ZFAND3: variants seen among roughly 807,000 people sequenced by gnomAD.
ZFAND3 encodes the protein AN1-type zinc finger protein 3.
A neutral mutation model predicts 29.6 loss-of-function variants in ZFAND3; 10 were observed. The ratio of observed to expected loss-of-function variants is 0.34; its 90% CI spans 0.21 to 0.57. ZFAND3 has a LOEUF of 0.57. Among genes scored for constraint, ZFAND3 ranks in the 20% least tolerant of loss-of-function variants. The pLI is 0.86. For missense variants in ZFAND3, 230 were observed against 304.5 expected (o/e 0.76, Z 1.82); for synonymous variants, 128 against 112.6 (o/e 1.14, Z -0.87).
At chr6:37,900,829 G>T (rs2127400690) in intron 1 of ZFAND3, among the ~76,000 whole-genome samples, 1 of 152,198 alleles carries the variant, frequency 6.6e-6, no homozygotes, top group South Asian at 2.1e-4. Context: ...AGGCTAATTG[G>T]TGATCAATAC....
Position 38,041,631 on chromosome 6 carries a change from T to TTTCTTC in ZFAND3, c.113-19912_113-19907dup, listed in dbSNP as rs1193585476. On this transcript the variant is annotated intron_variant, in intron 2 of 5. Coordinates refer to ENST00000287218, the MANE Select transcript of ZFAND3 (RefSeq NM_021943.3). ...GTCACCACTGTTTTTTTATCTACTT[T>TTTCTTC]TTCTTCTTCTTCTTCTTCTTCTTCT... Among the ~76,000 whole-genome samples the TTTCTTC allele has an allele frequency of 2.4e-3, 135 of 56,240 alleles. 6 individuals are homozygous for TTTCTTC. Among genetic ancestry groups the TTTCTTC allele is most frequent in the Non-Finnish European group, 4.2e-3 (91 of 21,590 alleles). The allele number at this position is 56,240 out of a possible 152,430, so 36.9% of individuals were successfully genotyped here.
chr6:37,966,296 C>T (rs1488014080), intron 2 of ZFAND3, among the ~76,000 whole-genome samples: 1 of 152,148 alleles, frequency 6.6e-6, no homozygotes, highest in Non-Finnish European at 1.5e-5. Flanking sequence ...GTATTCTCTT[C>T]CAAGTATTTT....
chr6:37,826,361 G>T (rs1021668423), intron 1 of ZFAND3, among the ~76,000 whole-genome samples: 2 of 152,120 alleles, frequency 1.3e-5, no homozygotes, highest in Admixed American at 1.3e-4. Context: ...CTCTGGGCTG[G>T]GTCCCTGTGT....
chr6:38,120,689 G>C (rs1765516938), intron 5 of ZFAND3, among the ~76,000 whole-genome samples: 1 of 152,140 alleles, frequency 6.6e-6, no homozygotes, highest in South Asian at 2.1e-4. Flanking sequence ...TTAAATACCA[G>C]TTGAAGAGTG....
At chr6:38,123,043 G>C (rs4312981) in intron 5 of ZFAND3, among the ~76,000 whole-genome samples, 1 of 152,204 alleles carries the variant, frequency 6.6e-6, no homozygotes, top group African/African-American at 2.4e-5. Context: ...CGTTTATAGT[G>C]AGAAGCCATC....
chr6:37,853,193 G>T lies in ZFAND3; in HGVS notation c.71+33177G>T, dbSNP rs547629140. On this transcript the variant is annotated intron_variant, in intron 1 of 5. Transcript: ENST00000287218. The stretch of plus-strand genomic sequence containing the variant: ...TGAGTTGATTCATTCATCTGATTCT[G>T]TATTTAATATCTAAATGGGATCAGT... Among the ~76,000 whole-genome samples, 268 of 152,154 alleles carry T rather than the reference G, an allele frequency of 1.8e-3. 2 individuals carry two copies. The highest frequency in any genetic ancestry group is 6.0e-3 in the African/African-American group (249 of 41,514).
At chr6:38,137,128 C>G (rs1454473071) in intron 5 of ZFAND3, among the ~76,000 whole-genome samples, 1 of 152,188 alleles carries the variant, frequency 6.6e-6, no homozygotes, top group East Asian at 1.9e-4. Context: ...AGCTTCAGTT[C>G]CAGGAGAGTA....
At chr6:38,072,925 A>G (rs1405817985) in intron 3 of ZFAND3, among the ~76,000 whole-genome samples, 2 of 152,362 alleles carry the variant, frequency 1.3e-5, no homozygotes, top group East Asian at 3.9e-4. Flanking sequence ...ATATCAGTAT[A>G]ATCCCTTCAC....
intron 1 of ZFAND3, among the ~76,000 whole-genome samples, chr6:37,855,399 G>T (rs972872652): frequency 6.7e-6 from 1 of 150,352 alleles, no homozygotes. Context: ...TGATCCACTT[G>T]CCTTGGCCTC....
At chr6:37,969,147 A>G (rs1271407533) in intron 2 of ZFAND3, among the ~76,000 whole-genome samples, 1 of 152,228 alleles carries the variant, frequency 6.6e-6, no homozygotes, top group Non-Finnish European at 1.5e-5. Context: ...TAAACATAGA[A>G]AAGGTATAGT....
At chr6:37,969,512 C>T (rs1054986550) in intron 2 of ZFAND3, among the ~76,000 whole-genome samples, 3 of 152,326 alleles carry the variant, frequency 2.0e-5, no homozygotes, top group Admixed American at 2.0e-4. Context: ...CTGAATATCT[C>T]ATATTTTATT....
intron 1 of ZFAND3, among the ~76,000 whole-genome samples, chr6:37,924,205 A>G (rs1761438594): frequency 6.6e-6 from 1 of 152,142 alleles, no homozygotes; most frequent in South Asian, 2.1e-4. Flanking sequence ...GCATTGTGAC[A>G]GAGCTCCAGA....
intron 5 of ZFAND3, among the ~76,000 whole-genome samples, chr6:38,117,905 C>T (rs1765452819): frequency 6.6e-6 from 1 of 152,200 alleles, no homozygotes; most frequent in Non-Finnish European, 1.5e-5. Flanking sequence ...ATAGAAACTA[C>T]GTTGGAACTC....
At chr6:38,107,003 A>AT (rs1429549362) in intron 4 of ZFAND3, among the ~76,000 whole-genome samples, 2 of 152,066 alleles carry the variant, frequency 1.3e-5, no homozygotes, top group Non-Finnish European at 2.9e-5. Flanking sequence ...AGTCTGGTGA[A>AT]TTTTTTCCTT....
intron 2 of ZFAND3, among the ~76,000 whole-genome samples, chr6:37,992,174 C>T (rs895937315): frequency 2.6e-5 from 4 of 152,124 alleles, no homozygotes; most frequent in African/African-American, 9.7e-5. Flanking sequence ...TTGAAGGGCT[C>T]TCTTTTGAAT....
At chr6:37,962,312 A>C (rs969065085) in intron 2 of ZFAND3, among the ~76,000 whole-genome samples, 3 of 152,220 alleles carry the variant, frequency 2.0e-5, no homozygotes, top group Non-Finnish European at 2.9e-5. Context: ...AGTCAGGCAA[A>C]AGAAAAAGTA....
chr6:38,051,405 T>G (rs1301635697), intron 2 of ZFAND3, among the ~76,000 whole-genome samples: 2 of 152,212 alleles, frequency 1.3e-5, no homozygotes, highest in Non-Finnish European at 2.9e-5. Context: ...CATTGAAGTC[T>G]TTATGGGACA....
chr6:37,873,264 C>T lies in ZFAND3; in HGVS notation c.71+53248C>T, dbSNP rs535939296. Among the ~76,000 whole-genome samples the T allele has an allele frequency of 9.2e-5, 14 of 152,046 alleles. No individual in the cohort carries two copies. In the South Asian group the frequency reaches 2.5e-3, roughly 27 times the overall value. On this transcript the variant is annotated intron_variant, in intron 1 of 5. Transcript: ENST00000287218. ...CAGCCTGGGTGACAGAGCGAGACTC[C>T]GTCTCAAAAAAAAAGAAAGAAAATT...
chr6:37,860,038 A>ATT lies in ZFAND3; in HGVS notation c.71+40037_71+40038dup, dbSNP rs367545879. Among the ~76,000 whole-genome samples, 459 of 134,200 alleles carry ATT rather than the reference A, an allele frequency of 3.4e-3. 2 individuals are homozygous for ATT. Among genetic ancestry groups the ATT allele is most frequent in the African/African-American group, 6.4e-3 (231 of 35,930 alleles). The allele number at this position is 134,200 out of a possible 152,430, so 88.0% of individuals were successfully genotyped here. A position where few individuals can be genotyped will look rare whatever the true frequency, so the allele number is the denominator to read the frequency against. On this transcript the variant is annotated intron_variant, in intron 1 of 5. Coordinates refer to ENST00000287218, the MANE Select transcript of ZFAND3 (RefSeq NM_021943.3). ...AGGAGCCTGCCACTACGCCCAGCTA[A>ATT]TTTTTTTTTTTTTTTTGTATTTTTT...
Sources: allele counts gnomAD v4.1 joint callset (sites outside exome capture counted in the v4.1 genomes callset), GRCh38; gene constraint gnomAD v4.1.1; transcripts MANE v1.5; gene names NCBI Gene and HGNC (gene_info 2026-07-23, HGNC 2026-07-21).